Variants in BIRC6 observed in about 807,000 individuals in gnomAD.
BIRC6 encodes dual E2 ubiquitin-conjugating enzyme/E3 ubiquitin-protein ligase BIRC6.
BIRC6 carries 98 observed loss-of-function variants against 503.3 expected under a neutral mutation model. The ratio of observed to expected loss-of-function variants is 0.19; its 90% CI spans 0.17 to 0.23. The LOEUF is 0.23. Ranked by LOEUF, BIRC6 falls within the 10% of genes least tolerant of loss-of-function variation. The pLI is 1.00. For synonymous variants in BIRC6, 2,240 were observed against 2,078.7 expected, an observed-to-expected ratio of 1.08 and a Z score of -2.11; for missense variants, 5,360 against 5,806.0, an observed-to-expected ratio of 0.92 and a Z score of 2.50.
Position 32,525,622 on chromosome 2 carries a change from T to A in BIRC6, c.11914T>A (p.Leu3972Met), listed in dbSNP as rs766455274. 6.2e-7 allele frequency: 1 copy of A among 1,612,232 alleles called. No homozygotes were observed. Among genetic ancestry groups the A allele is most frequent in the Non-Finnish European group, 8.5e-7 (1 of 1,179,142 alleles). ...AGTGTTTCACCTGTTTCACAAACTC[T>A]TGGCAGGTAATATTCCTCAATGAAT... Reference protein sequence around the residue: ...VPVFHLFHKLLAGQPLPAEMT... With the variant: ...VPVFHLFHKLMAGQPLPAEMT... The change falls in exon 59 of 74, where the codon TTG (leucine) becomes ATG (methionine). Residue 3972 changes from leucine to methionine, a missense_variant. By Grantham distance (15) the Leu-to-Met change is conservative (BLOSUM62 2). Transcript: ENST00000421745.
At chr2:32,490,492 G>A (rs1035570516) in intron 43 of BIRC6, among the ~76,000 whole-genome samples, 1 of 152,126 alleles carries the variant, frequency 6.6e-6, no homozygotes, top group African/African-American at 2.4e-5. Context: ...CTTAGATCAC[G>A]CCACTGCACA....
intron 4 of BIRC6, among the ~76,000 whole-genome samples, chr2:32,390,718 C>T (rs917178417): frequency 1.3e-5 from 2 of 152,194 alleles, no homozygotes; most frequent in Non-Finnish European, 2.9e-5. Context: ...TTATCAAAGG[C>T]ACTACTGAAT....
At chr2:32,373,030 G>C (rs1267843260) in intron 1 of BIRC6, among the ~76,000 whole-genome samples, 2 of 152,200 alleles carry the variant, frequency 1.3e-5, no homozygotes, top group Non-Finnish European at 2.9e-5. Context: ...TGTCAAACCA[G>C]TGTGGCTGTA....
chr2:32,583,647 A>C (rs1262118161), intron 66 of BIRC6, among the ~76,000 whole-genome samples: 1 of 152,186 alleles, frequency 6.6e-6, no homozygotes, highest in Non-Finnish European at 1.5e-5. Flanking sequence ...TGTTTTTTTA[A>C]GGAATATATG....
intron 61 of BIRC6, chr2:32,532,134 C>CGTGTGTGTGGGTGTGTGTGT (rs2056819136): frequency 2.4e-6 from 1 of 421,200 alleles, no homozygotes; most frequent in African/African-American, 2.4e-5. Context: ...GATTTCATGT[C>CGTGTGTGTGGGTGTGTGTGT]GTGTGTGTGT....
At chr2:32,392,998 A>G (rs2039441924) in intron 5 of BIRC6, among the ~76,000 whole-genome samples, 1 of 152,110 alleles carries the variant, frequency 6.6e-6, no homozygotes, top group African/African-American at 2.4e-5. Flanking sequence ...TCTGACAAGT[A>G]TTCTCTTTTG....
At chr2:32,393,815 C>T (rs1452592683) in intron 5 of BIRC6, among the ~76,000 whole-genome samples, 1 of 152,184 alleles carries the variant, frequency 6.6e-6, no homozygotes, top group African/African-American at 2.4e-5. Flanking sequence ...GCCACTGCGC[C>T]TGGCCTAATT....
chr2:32,437,262 A>G (rs1008296294), intron 15 of BIRC6, among the ~76,000 whole-genome samples: 8 of 152,200 alleles, frequency 5.3e-5, no homozygotes, highest in African/African-American at 1.9e-4. Context: ...ACAAATGCAG[A>G]TTATAATGAA....
chr2:32,430,164 T>G (rs2043939256), intron 11 of BIRC6, among the ~76,000 whole-genome samples: 1 of 152,196 alleles, frequency 6.6e-6, no homozygotes, highest in African/African-American at 2.4e-5. Flanking sequence ...GTGAAAATAC[T>G]CTAAACCTAC....
intron 65 of BIRC6, among the ~76,000 whole-genome samples, chr2:32,559,639 A>T (rs1368810769): frequency 1.3e-5 from 2 of 151,570 alleles, no homozygotes; most frequent in African/African-American, 4.9e-5. Flanking sequence ...ATAAAAGCAC[A>T]TGTCTTAAAA....
chr2:32,514,109 C>T (rs1264293704), intron 54 of BIRC6, among the ~76,000 whole-genome samples: 10 of 151,996 alleles, frequency 6.6e-5, no homozygotes, highest in Non-Finnish European at 1.5e-5. Context: ...TCACTTGAAA[C>T]GAGGCGTTTA....
At chr2:32,423,334 C>G (rs1406312595) in intron 10 of BIRC6, among the ~76,000 whole-genome samples, 1 of 151,996 alleles carries the variant, frequency 6.6e-6, no homozygotes, top group Non-Finnish European at 1.5e-5. Context: ...ACTATTTTAA[C>G]TGTTTTACAG....
intron 21 of BIRC6, 79 bp downstream of exon 21, chr2:32,445,747 T>C (rs2045880857): frequency 1.8e-5 from 19 of 1,030,754 alleles, no homozygotes; most frequent in Non-Finnish European, 2.3e-5. Flanking sequence ...TTATTTAATA[T>C]ATATATGCTG....
rs757956028 is a variant in BIRC6 at position 32,468,121 on chromosome 2, G to T, written c.5780+10G>T. 5 of 1,610,816 alleles carry T rather than the reference G, an allele frequency of 3.1e-6. No homozygotes were observed. Among genetic ancestry groups the T allele is most frequent in the Non-Finnish European group, 4.2e-6 (5 of 1,177,966 alleles). The stretch of plus-strand genomic sequence containing the variant: ...AGGATATACAGTGCAGGTTAGTACA[G>T]AGTGCAAATTTTAATGTTATTGAAA... On this transcript the variant is annotated intron_variant, in intron 28 of 73. Coordinates refer to ENST00000421745, the MANE Select transcript of BIRC6 (RefSeq NM_016252.4).
chr2:32,559,792 C>T (rs1030321432), intron 65 of BIRC6, among the ~76,000 whole-genome samples: 4 of 151,382 alleles, frequency 2.6e-5, no homozygotes, highest in Admixed American at 2.0e-4. Flanking sequence ...AGGCCAAGGC[C>T]GGTGGATCAC....
intron 8 of BIRC6, among the ~76,000 whole-genome samples, chr2:32,402,369 A>G (rs754195498): frequency 6.6e-6 from 1 of 152,218 alleles, no homozygotes; most frequent in Non-Finnish European, 1.5e-5. Context: ...CTGTGATCAG[A>G]TGTCTTGATA....
chr2:32,378,240 A>G (rs2037109091), intron 2 of BIRC6, among the ~76,000 whole-genome samples: 1 of 151,946 alleles, frequency 6.6e-6, no homozygotes, highest in Non-Finnish European at 1.5e-5. Context: ...CCTGTCCCTT[A>G]ACCCCCAGCC....
intron 65 of BIRC6, among the ~76,000 whole-genome samples, chr2:32,566,592 G>T (rs1004925662): frequency 6.6e-6 from 1 of 152,122 alleles, no homozygotes; most frequent in African/African-American, 2.4e-5. Context: ...GGGCTCTAGC[G>T]ATGCTTCTGC....
intron 65 of BIRC6, among the ~76,000 whole-genome samples, chr2:32,551,171 C>T (rs952867455): frequency 6.6e-6 from 1 of 151,424 alleles, no homozygotes; most frequent in African/African-American, 2.4e-5. Context: ...CAGGAAAACA[C>T]AGCTTAATAT....
Sources: gnomAD v4.1 joint callset for allele counts (sites outside exome capture counted in the v4.1 genomes callset) on GRCh38, gnomAD v4.1.1 for gene constraint, MANE v1.5 for transcripts, NCBI Gene and HGNC (gene_info 2026-07-23, HGNC 2026-07-21) for gene names.